The following HHIP variants were observed in gnomAD, a reference collection of about 807,000 sequenced individuals.
HHIP encodes the protein hedgehog-interacting protein.
A neutral mutation model predicts 74.0 loss-of-function variants in HHIP; 12 were observed. The observed-to-expected ratio is 0.16, with a 90% CI of 0.10 to 0.26. HHIP has a LOEUF of 0.26. Among genes scored for constraint, HHIP ranks in the 10% least tolerant of loss-of-function variants. The pLI is 1.00. For synonymous variants in HHIP, 309 were observed against 311.6 expected (o/e 0.99, Z 0.09); for missense variants, 788 against 845.0 (o/e 0.93, Z 0.84).
chr4:144,699,802 A>G (rs1266361979), intron 4 of HHIP, among the ~76,000 whole-genome samples: 1 of 152,030 alleles, frequency 6.6e-6, no homozygotes, highest in Non-Finnish European at 1.5e-5. Flanking sequence ...TCCTTCCCAT[A>G]AGTTAACCCA....
chr4:144,716,969 C>G (rs1224479573), intron 10 of HHIP, among the ~76,000 whole-genome samples: 1 of 147,358 alleles, frequency 6.8e-6, no homozygotes, highest in Non-Finnish European at 1.5e-5. Context: ...CCAGACCTTG[C>G]TACAAATGAT....
chr4:144,731,316 G>A (rs547500045), intron 11 of HHIP, among the ~76,000 whole-genome samples: 1 of 152,072 alleles, frequency 6.6e-6, no homozygotes, highest in African/African-American at 2.4e-5. Flanking sequence ...TAGGTCCTGG[G>A]GAGCCACAAG....
chr4:144,672,655 A>G (rs906489582), intron 4 of HHIP, among the ~76,000 whole-genome samples: 6 of 152,060 alleles, frequency 3.9e-5, no homozygotes, highest in Non-Finnish European at 1.5e-5. Context: ...AACTGGAGTG[A>G]TATGATCTGA....
At chr4:144,668,313 C>T (rs1018786473) in intron 4 of HHIP, among the ~76,000 whole-genome samples, 12 of 150,136 alleles carry the variant, frequency 8.0e-5, no homozygotes, top group African/African-American at 2.9e-4. Flanking sequence ...CAGTCAGATT[C>T]CATCTCAAAA....
At position 144,738,516 on chromosome 4, in the gene HHIP, C is replaced by T. The variant is rs1731185152; in HGVS notation, c.*559C>T. 1.0e-6 allele frequency: 1 copy of T among 968,854 alleles called. No homozygotes were observed. Among genetic ancestry groups the T allele is most frequent in the Non-Finnish European group, 1.2e-6 (1 of 814,588 alleles). The allele number at this position is 968,854 out of a possible 1,614,324, so 60.0% of individuals were successfully genotyped here. ...GTGTATCCAGTTACAGAATGCTACA[C>T]ACTTACCTTTTTATTGGCTGAGAAA... On this transcript the variant is annotated 3_prime_UTR_variant, in exon 13 of 13. Coordinates refer to ENST00000296575, the MANE Select transcript of HHIP (RefSeq NM_022475.3).
chr4:144,738,205 C>G lies in HHIP; in HGVS notation c.*248C>G. On this transcript the variant is annotated 3_prime_UTR_variant, in exon 13 of 13. Coordinates refer to ENST00000296575, the MANE Select transcript of HHIP (RefSeq NM_022475.3). The stretch of plus-strand genomic sequence containing the variant: ...AACAGATGATTTTTTAAAATATATA[C>G]TTCCTTATGCAAAGTAATTTACACA... 1 of 1,072,330 alleles carries G rather than the reference C, an allele frequency of 9.3e-7. No individual in the cohort carries two copies. Among genetic ancestry groups the G allele is most frequent in the Middle Eastern group, 4.2e-4 (1 of 2,388 alleles). 66.4% of individuals were successfully genotyped at this position (1,072,330 alleles called of 1,614,324 possible).
Position 144,741,475 on chromosome 4 carries a change from G to A in HHIP, c.*3518G>A, listed in dbSNP as rs781715123. On this transcript the variant is annotated 3_prime_UTR_variant, in exon 13 of 13. Transcript: ENST00000296575. ...GCTCACTACAACCTCCGCCTCCCGG[G>A]TTCAAGCAATTCTCCTGCCTCAGCC... 2 of 150,580 alleles carry A rather than the reference G, an allele frequency of 1.3e-5. No individual in the cohort carries two copies. Among genetic ancestry groups the A allele is most frequent in the Admixed American group, 6.6e-5 (1 of 15,100 alleles). The allele number at this position is 150,580 out of a possible 1,614,324, so 9.3% of individuals were successfully genotyped here. A position where few individuals can be genotyped will look rare whatever the true frequency, so the allele number is the denominator to read the frequency against.
chr4:144,726,628 C>T (rs1314911522), intron 11 of HHIP, among the ~76,000 whole-genome samples: 1 of 152,104 alleles, frequency 6.6e-6, no homozygotes, highest in African/African-American at 2.4e-5. Context: ...ATTTCTTTAA[C>T]ACTAATAAGC....
At chr4:144,716,182 A>G (rs1255489360) in intron 10 of HHIP, among the ~76,000 whole-genome samples, 2 of 152,240 alleles carry the variant, frequency 1.3e-5, no homozygotes, top group Non-Finnish European at 2.9e-5. Flanking sequence ...AGCCTCAGAG[A>G]TAAATTTCTA....
Position 144,708,063 on chromosome 4 carries a change from C to T in HHIP, c.1158-105C>T, listed in dbSNP as rs551496528. ...CAGCCACTTTAATATTTTATTTCAA[C>T]TAAGGGGATGATTTTTTCATCAATA... On this transcript the variant is annotated intron_variant, in intron 6 of 12. Coordinates refer to ENST00000296575, the MANE Select transcript of HHIP (RefSeq NM_022475.3). The T allele has an allele frequency of 7.4e-6, 9 of 1,211,090 alleles. No homozygotes were observed. The African/African-American group carries it at 1.4e-4, about 18-fold the overall frequency. 75.0% of individuals were successfully genotyped at this position (1,211,090 alleles called of 1,614,324 possible). A position where few individuals can be genotyped will look rare whatever the true frequency, so the allele number is the denominator to read the frequency against.
chr4:144,652,904 T>A, intron 2 of HHIP, 107 bp downstream of exon 2: 1 of 691,604 alleles, frequency 1.4e-6, no homozygotes, highest in Non-Finnish European at 2.3e-6. Flanking sequence ...ATCTTGCCTT[T>A]AAAAATACCT....
At chr4:144,672,495 T>G (rs535965080) in intron 4 of HHIP, among the ~76,000 whole-genome samples, 1 of 151,644 alleles carries the variant, frequency 6.6e-6, no homozygotes, top group East Asian at 2.0e-4. Context: ...TGGAACTGAG[T>G]GAAGGAAGAG....
In HHIP at chr4:144,659,846, T is replaced by A; in HGVS notation, c.831+8T>A. On this transcript the variant is annotated splice_region_variant and intron_variant, in intron 4 of 12. Coordinates refer to ENST00000296575, the MANE Select transcript of HHIP (RefSeq NM_022475.3). ...GTTCAAAGTGGAATAAAGGTTGGCT[T>A]TTTAAATTTTATTTATTTTTGTGCT... The A allele has an allele frequency of 1.9e-6, 3 of 1,599,758 alleles. No individual in the cohort carries two copies. The highest frequency in any genetic ancestry group is 2.6e-6 in the Non-Finnish European group (3 of 1,168,734).
At chr4:144,675,003 A>G (rs1016078911) in intron 4 of HHIP, among the ~76,000 whole-genome samples, 8 of 152,166 alleles carry the variant, frequency 5.3e-5, no homozygotes, top group Non-Finnish European at 8.8e-5. Flanking sequence ...AGTTAGTCAC[A>G]TTGTTGGATA....
intron 4 of HHIP, among the ~76,000 whole-genome samples, chr4:144,695,415 AAT>A (rs1173512863): frequency 1.3e-5 from 2 of 151,724 alleles, no homozygotes; most frequent in African/African-American, 4.8e-5. Context: ...TGTTCTTATA[AAT>A]ATGTGTCATA....
chr4:144,720,140 C>T (rs553300539), intron 11 of HHIP, among the ~76,000 whole-genome samples: 2 of 152,242 alleles, frequency 1.3e-5, no homozygotes, highest in South Asian at 2.1e-4. Context: ...GATAAATACC[C>T]ATCTATATAC....
At chr4:144,668,246 G>T (rs946428027) in intron 4 of HHIP, among the ~76,000 whole-genome samples, 1 of 152,056 alleles carries the variant, frequency 6.6e-6, no homozygotes, top group African/African-American at 2.4e-5. Context: ...GAACCCCGGA[G>T]GCGGAGGTTG....
At chr4:144,695,820 G>A (rs1013562520) in intron 4 of HHIP, among the ~76,000 whole-genome samples, 1 of 151,828 alleles carries the variant, frequency 6.6e-6, no homozygotes, top group African/African-American at 2.4e-5. Context: ...CTCCTGAAAA[G>A]ATATCCACAA....
At chr4:144,731,083 T>C (rs1006408674) in intron 11 of HHIP, among the ~76,000 whole-genome samples, 3 of 152,176 alleles carry the variant, frequency 2.0e-5, no homozygotes, top group Admixed American at 6.5e-5. Flanking sequence ...CAAGTTTATT[T>C]AGGCAATAGA....
Sources: gnomAD v4.1 joint callset for allele counts (sites outside exome capture counted in the v4.1 genomes callset) on GRCh38, gnomAD v4.1.1 for gene constraint, MANE v1.5 for transcripts, NCBI Gene and HGNC (gene_info 2026-07-23, HGNC 2026-07-21) for gene names.